Variants in FALEC observed in about 807,000 individuals in gnomAD.
FALEC encodes focally amplified lncRNA regulator of ECM1.
chr1:150,520,783 C>CTTTTTTTTTTTTTTTTTTT (rs71086518), downstream of FALEC, among the ~76,000 whole-genome samples: 7 of 42,820 alleles, frequency 1.6e-4, no homozygotes, highest in Non-Finnish European at 3.0e-4. Context: ...CTTTTCTTTT[C>CTTTTTTTTTTTTTTTTTTT]TTTTTTTTTT....
At chr1:150,520,449 G>C (rs1291545632), downstream of FALEC, among the ~76,000 whole-genome samples, 2 of 152,046 alleles carry the variant, frequency 1.3e-5, no homozygotes, top group Admixed American at 6.6e-5. Flanking sequence ...ATTTCACTTA[G>C]CATAATGTTT....
At chr1:150,524,020 C>T in the FALEC span, among the ~76,000 whole-genome samples, 6 of 152,170 alleles carry the variant, frequency 3.9e-5, no homozygotes, top group South Asian at 2.1e-4. Flanking sequence ...CCAGAGCCTC[C>T]GGAAGGAACC....
chr1:150,522,388 C>T (rs1670654266), downstream of FALEC, among the ~76,000 whole-genome samples: 2 of 151,992 alleles, frequency 1.3e-5, no homozygotes, highest in South Asian at 4.1e-4. Context: ...TTTGGGAGGC[C>T]AAGGCAGGAG....
chr1:150,524,325 T>C, the FALEC span, among the ~76,000 whole-genome samples: 28 of 151,530 alleles, frequency 1.8e-4, no homozygotes, highest in East Asian at 5.2e-3. Flanking sequence ...GCCAAATTTC[T>C]TTAAATTTAA....
the FALEC span, among the ~76,000 whole-genome samples, chr1:150,524,782 G>A: frequency 2.0e-5 from 3 of 152,146 alleles, no homozygotes; most frequent in Non-Finnish European, 4.4e-5. Flanking sequence ...GGGAGGCCCA[G>A]GCAGGAGGAT....
At chr1:150,521,449 C>G (rs11582423), downstream of FALEC, among the ~76,000 whole-genome samples, 53,769 of 152,040 alleles carry the variant, frequency 0.35, 9,868 homozygotes, top group Non-Finnish European at 0.41. Flanking sequence ...GTTTAACTTG[C>G]ATTTCTGTGT....
At chr1:150,520,146 G>T (rs772495974), downstream of FALEC, among the ~76,000 whole-genome samples, 13 of 152,086 alleles carry the variant, frequency 8.5e-5, no homozygotes, top group Non-Finnish European at 1.8e-4. Flanking sequence ...GTGAAACTCC[G>T]TCTCAAAAAT....
chr1:150,531,191 C>T, the FALEC span, among the ~76,000 whole-genome samples: 1 of 152,140 alleles, frequency 6.6e-6, no homozygotes, highest in Non-Finnish European at 1.5e-5. Context: ...ATGGCCAGAC[C>T]ATATATTAAA....
At chr1:150,522,845 C>A (rs867080294), downstream of FALEC, among the ~76,000 whole-genome samples, 8,245 of 109,266 alleles carry the variant, frequency 0.075, 1,425 homozygotes, top group Non-Finnish European at 0.12. Flanking sequence ...CTCTCTCTCT[C>A]TCTCTCTATA....
At chr1:150,524,053 T>C in the FALEC span, among the ~76,000 whole-genome samples, 1 of 152,210 alleles carries the variant, frequency 6.6e-6, no homozygotes, top group African/African-American at 2.4e-5. Context: ...ACTTTGACTT[T>C]AGCCCCATAA....
At chr1:150,529,015 G>GAAAAAAAAAAAAA in the FALEC span, among the ~76,000 whole-genome samples, 1 of 5,956 alleles carries the variant, frequency 1.7e-4, no homozygotes, top group African/African-American at 6.7e-4. Flanking sequence ...TAAATAAATA[G>GAAAAAAAAAAAAA]CAAAAAAAAA....
At chr1:150,526,157 T>C in the FALEC span, among the ~76,000 whole-genome samples, 1 of 151,734 alleles carries the variant, frequency 6.6e-6, no homozygotes, top group African/African-American at 2.4e-5. Context: ...GGTCAGGAGA[T>C]CAAGACCACG....
At chr1:150,535,865 A>C in the FALEC span, among the ~76,000 whole-genome samples, 2 of 152,222 alleles carry the variant, frequency 1.3e-5, no homozygotes, top group African/African-American at 4.8e-5. Flanking sequence ...CATCCTGATG[A>C]CTGGTTCTGC....
the FALEC span, among the ~76,000 whole-genome samples, chr1:150,529,015 G>GAAAAAAAAAA: frequency 0.02 from 119 of 5,932 alleles, 1 homozygote; most frequent in African/African-American, 0.079. Flanking sequence ...TAAATAAATA[G>GAAAAAAAAAA]CAAAAAAAAA....
At chr1:150,519,433 A>C (rs1042388923), downstream of FALEC, among the ~76,000 whole-genome samples, 4 of 152,228 alleles carry the variant, frequency 2.6e-5, no homozygotes, top group African/African-American at 9.6e-5. Context: ...AAGTATGGTA[A>C]AATAAATGTA....
At chr1:150,533,521 C>T in the FALEC span, among the ~76,000 whole-genome samples, 1 of 149,334 alleles carries the variant, frequency 6.7e-6, no homozygotes, top group Non-Finnish European at 1.5e-5. Context: ...CTGCAACCTC[C>T]GCCTCCCAGG....
the FALEC span, among the ~76,000 whole-genome samples, chr1:150,532,325 C>G: frequency 6.6e-6 from 1 of 152,324 alleles, no homozygotes; most frequent in East Asian, 1.9e-4. Flanking sequence ...GAGTGGAGCT[C>G]TGAGCCCTGG....
the FALEC span, among the ~76,000 whole-genome samples, chr1:150,526,339 A>G: frequency 0.55 from 78,616 of 143,260 alleles, 22,265 homozygotes; most frequent in Non-Finnish European, 0.62. Context: ...GACAGAGTGA[A>G]ACTCCGTCTC....
chr1:150,526,488 T>G, the FALEC span, among the ~76,000 whole-genome samples: 2 of 152,010 alleles, frequency 1.3e-5, no homozygotes, highest in Non-Finnish European at 2.9e-5. Context: ...CTTGAGCTAC[T>G]GCACACGGCG....
Sources: allele counts gnomAD v4.1 joint callset (sites outside exome capture counted in the v4.1 genomes callset), GRCh38; gene constraint gnomAD v4.1.1; transcripts MANE v1.5; gene names NCBI Gene and HGNC (gene_info 2026-07-23, HGNC 2026-07-21).